The following BFSP1 variants were observed in gnomAD, a reference collection of about 807,000 sequenced individuals.
BFSP1 encodes the protein beaded filament structural protein 1.
A neutral mutation model predicts 43.9 loss-of-function variants in BFSP1; 38 were observed. That is an observed-to-expected ratio of 0.87 (90% CI 0.67 to 1.14). The LOEUF (loss-of-function observed/expected upper bound fraction) is 1.14. Ranked by LOEUF, BFSP1 falls within the 50% of genes most tolerant of loss-of-function variation. The pLI, the probability that BFSP1 is intolerant of heterozygous loss-of-function variation, is 0.00. For synonymous variants in BFSP1, 352 were observed against 354.8 expected (o/e 0.99, Z 0.09); for missense variants, 850 against 875.1 (o/e 0.97, Z 0.36).
chr20:17,533,603 G>A (rs573105531), upstream of BFSP1, among the ~76,000 whole-genome samples: 2 of 152,288 alleles, frequency 1.3e-5, no homozygotes, highest in African/African-American at 4.8e-5. Context: ...CATGTCTGCT[G>A]ACATCTCATT....
At chr20:17,515,011 C>G (rs2034167875) in intron 2 of BFSP1, among the ~76,000 whole-genome samples, 195 bp from the exon 3 acceptor site, 1 of 152,170 alleles carries the variant, frequency 6.6e-6, no homozygotes. Context: ...TCTAGAAGAG[C>G]AGTTCTCAAC....
At chr20:17,536,951 G>A (rs2123551316) in intron 1 of BFSP1, among the ~76,000 whole-genome samples, 1 of 152,272 alleles carries the variant, frequency 6.6e-6, no homozygotes, top group Non-Finnish European at 1.5e-5. Flanking sequence ...CTCAAAATGT[G>A]GCTGCCTTCA....
intron 1 of BFSP1, chr20:17,541,253 T>C: frequency 2.0e-6 from 2 of 982,626 alleles, no homozygotes; most frequent in Non-Finnish European, 2.4e-6. Context: ...AAATAAAAGA[T>C]AAAGTTTTTG....
chr20:17,531,540 A>G (rs1288138598), upstream of BFSP1, among the ~76,000 whole-genome samples: 3 of 152,216 alleles, frequency 2.0e-5, no homozygotes, highest in Non-Finnish European at 4.4e-5. Flanking sequence ...AGCGGCCCAT[A>G]CAGCTCCGGG....
intron 3 of BFSP1, among the ~76,000 whole-genome samples, chr20:17,512,943 G>T (rs1432594836): frequency 6.6e-6 from 1 of 152,178 alleles, no homozygotes; most frequent in Non-Finnish European, 1.5e-5. Context: ...CAGTGCCCCT[G>T]TCCCCAGCTC....
At chr20:17,536,270 G>T (rs976745188), upstream of BFSP1, among the ~76,000 whole-genome samples, 1 of 152,142 alleles carries the variant, frequency 6.6e-6, no homozygotes, top group Non-Finnish European at 1.5e-5. Flanking sequence ...GTTGTTTAAG[G>T]CTGGGTGAAG....
intron 1 of BFSP1, among the ~76,000 whole-genome samples, chr20:17,568,724 C>G (rs1305679204): frequency 2.0e-5 from 3 of 151,670 alleles, no homozygotes; most frequent in African/African-American, 7.3e-5. Context: ...TTAAAAAGAA[C>G]GAGGGTAATG....
At chr20:17,537,453 C>G (rs185690430) in intron 1 of BFSP1, among the ~76,000 whole-genome samples, 7 of 151,776 alleles carry the variant, frequency 4.6e-5, no homozygotes, top group African/African-American at 1.4e-4. Flanking sequence ...ACTGCACACA[C>G]GCAGTTGACT....
intron 1 of BFSP1, among the ~76,000 whole-genome samples, chr20:17,567,759 G>A (rs1471116478): frequency 6.6e-6 from 1 of 151,940 alleles, no homozygotes; most frequent in African/African-American, 2.4e-5. Flanking sequence ...TACTCGGGAG[G>A]TTGAGGCAGG....
intron 1 of BFSP1, among the ~76,000 whole-genome samples, chr20:17,548,372 C>G (rs2034842045): frequency 6.6e-6 from 1 of 151,994 alleles, no homozygotes; most frequent in Admixed American, 6.6e-5. Flanking sequence ...TAAAGTTTAC[C>G]AATAATAATT....
chr20:17,566,540 G>C (rs1257812392), intron 1 of BFSP1, among the ~76,000 whole-genome samples: 1 of 152,220 alleles, frequency 6.6e-6, no homozygotes, highest in Non-Finnish European at 1.5e-5. Flanking sequence ...TGGAGGCTGT[G>C]AAGTCCAAGA....
chr20:17,539,162 G>GTGCTCAC, intron 1 of BFSP1, among the ~76,000 whole-genome samples: 1 of 124,032 alleles, frequency 8.1e-6, no homozygotes, highest in Non-Finnish European at 1.6e-5. Context: ...CCAGGCTGAA[G>GTGCTCAC]TGCAGTGGTA....
upstream of BFSP1, among the ~76,000 whole-genome samples, chr20:17,534,532 C>G (rs2034597196): frequency 6.6e-6 from 1 of 152,242 alleles, no homozygotes; most frequent in Non-Finnish European, 1.5e-5. Flanking sequence ...CGTCTTTTAT[C>G]TGGCCTGCAT....
chr20:17,497,068 G>A, intron 6 of BFSP1, 45 bp from the exon 7 acceptor site: 1 of 1,405,846 alleles, frequency 7.1e-7, no homozygotes, highest in Non-Finnish European at 9.5e-7. Flanking sequence ...GAGGTCAGGG[G>A]CAAGAGCGAC....
In BFSP1 at chr20:17,531,291, C is replaced by T. The variant is rs2034534450; in HGVS notation, c.39G>A (p.Glu13=). The T allele has an allele frequency of 6.8e-7, 1 of 1,476,718 alleles. No homozygotes were observed. The highest frequency in any genetic ancestry group is 8.9e-7 in the Non-Finnish European group (1 of 1,120,334). 91.5% of individuals were successfully genotyped at this position (1,476,718 alleles called of 1,614,324 possible). A position where few individuals can be genotyped will look rare whatever the true frequency, so the allele number is the denominator to read the frequency against. The change falls in exon 1 of 8, where the codon GAG becomes GAA. Residue 13 remains glutamate, a synonymous_variant. Transcript: ENST00000377873. The part of the protein sequence containing the change: ...RRSYVFQTRK[E]QYEHADEASR... ...AAGCCTCGTCGGCGTGCTCGTACTG[C>T]TCCTTGCGGGTCTGGAAGACGTAGC...
rs1486226763 is a variant in BFSP1 at position 17,498,872 on chromosome 20, G to T, written c.904C>A (p.Leu302Met). The T allele has an allele frequency of 6.2e-7, 1 of 1,613,902 alleles. No individual in the cohort carries two copies. The highest frequency in any genetic ancestry group is 8.5e-7 in the Non-Finnish European group (1 of 1,180,046). The change falls in exon 6 of 8, where the codon CTG becomes ATG. Residue 302 changes from leucine (L) to methionine (M), a missense_variant. Transcript: ENST00000377873. Reference sequence around the variant, plus strand: ...TGATACCGGTCCAGCTCATTCTTCAGGGTTTGCTGGGCGACCGCCAGCTGC... The same window carrying T: ...TGATACCGGTCCAGCTCATTCTTCATGGTTTGCTGGGCGACCGCCAGCTGC... ...CRQLAVAQQTLKNELDRYHRI... is the reference protein window; with the variant it reads ...CRQLAVAQQTMKNELDRYHRI...
At chr20:17,553,802 C>T (rs375600911) in intron 1 of BFSP1, among the ~76,000 whole-genome samples, 6,385 of 53,462 alleles carry the variant, frequency 0.12, 617 homozygotes, top group African/African-American at 0.38. Flanking sequence ...TATACACACA[C>T]ACACACACAC....
chr20:17,533,150 G>A (rs139170166), upstream of BFSP1, among the ~76,000 whole-genome samples: 421 of 152,188 alleles, frequency 2.8e-3, 4 homozygotes, highest in African/African-American at 9.4e-3. Context: ...AGGAGTTCAA[G>A]ACGAGCCTTG....
chr20:17,529,044 A>G (rs775939145), intron 1 of BFSP1, among the ~76,000 whole-genome samples: 2 of 148,116 alleles, frequency 1.4e-5, no homozygotes, highest in Non-Finnish European at 3.0e-5. Flanking sequence ...AAATGGATGA[A>G]TATCTTACAT....
Sources: allele counts gnomAD v4.1 joint callset (sites outside exome capture counted in the v4.1 genomes callset), GRCh38; gene constraint gnomAD v4.1.1; transcripts MANE v1.5; gene names NCBI Gene and HGNC (gene_info 2026-07-23, HGNC 2026-07-21).